Variants in COL7A1 observed in about 807,000 individuals in gnomAD.
The protein encoded by COL7A1 is collagen type VII alpha 1 chain, also known as collagen alpha-1(VII) chain.
In COL7A1, 296 loss-of-function variants were observed where a neutral mutation model predicts 456.2. The observed-to-expected ratio is 0.65, with a 90% CI of 0.59 to 0.71. The LOEUF is 0.71. Ranked by LOEUF, COL7A1 falls within the 30% of genes least tolerant of loss-of-function variation. The pLI is 0.00. For missense variants in COL7A1, 3,441 were observed against 4,017.2 expected, an observed-to-expected ratio of 0.86 and a Z score of 3.88; for synonymous variants, 1,464 against 1,525.9, an observed-to-expected ratio of 0.96 and a Z score of 0.95.
Position 48,576,574 on chromosome 3 carries a change from C to T in COL7A1, c.5701-17G>A. 2 of 1,605,390 alleles carry T rather than the reference C, an allele frequency of 1.2e-6. No homozygotes were observed. The highest frequency in any genetic ancestry group is 1.1e-5 in the South Asian group (1 of 89,870). The stretch of plus-strand genomic sequence containing the variant: ...AGGAAAACCCTGAGATACGGCAGAA[C>T]ACAAAGGGGTCACAAAGGCCCATGG... On this transcript the variant is annotated splice_polypyrimidine_tract_variant and intron_variant, in intron 68 of 118. Transcript: ENST00000681320.
Position 48,571,748 on chromosome 3 carries a change from C to T in COL7A1, c.7068+253G>A, listed in dbSNP as rs1247837245. 1 of 633,146 alleles carries T rather than the reference C, an allele frequency of 1.6e-6. No homozygotes were observed. The highest frequency in any genetic ancestry group is 2.9e-6 in the Non-Finnish European group (1 of 346,580). The allele number at this position is 633,146 out of a possible 1,614,324, so 39.2% of individuals were successfully genotyped here. On this transcript the variant is annotated intron_variant, in intron 92 of 118. Transcript: ENST00000681320. The surrounding 1 kb of genome is among the most constrained non-coding windows in gnomAD (Gnocchi z 4.6). ...TGGGATCTGGGAGATCAGACCAGAGCACACGTGTGCCCAGATGTGGTGAGA... is the reference window on the plus strand; with the variant it reads ...TGGGATCTGGGAGATCAGACCAGAGTACACGTGTGCCCAGATGTGGTGAGA...
chr3:48,592,929 G>C lies in COL7A1; in HGVS notation c.692C>G (p.Ser231Trp), dbSNP rs376924106. ...GVPVTRPPDD[S>W]TSAPRDLVLS... is the part of the protein sequence containing the mutation. ...CACCAGGTCTCGTGGAGCAGAGGTC[G>C]AGTCATCCGCTGGGAATGCGGGATC... The change falls in exon 7 of 119, where the codon TCG becomes TGG. Residue 231 changes from serine to tryptophan, a missense_variant. Physicochemically the swap from Ser to Trp is radical, Grantham distance 177 (BLOSUM62 -3). Transcript: ENST00000681320. The surrounding 1 kb of genome is among the most constrained non-coding windows in gnomAD (Gnocchi z 7.6). 2 of 1,613,778 alleles carry C rather than the reference G, an allele frequency of 1.2e-6. No individual in the cohort carries two copies. Among genetic ancestry groups the C allele is most frequent in the South Asian group, 1.1e-5 (1 of 91,052 alleles).
In COL7A1 at chr3:48,592,868, C is replaced by G. The variant is rs748808396; in HGVS notation, c.753G>C (p.Gln251His). 1.2e-6 allele frequency: 2 copies of G among 1,614,108 alleles called. No individual in the cohort carries two copies. The highest frequency in any genetic ancestry group is 1.6e-4 in the Middle Eastern group (1 of 6,062). ...SEPSSQSLRV[Q>H]WTAASGPVTG... ...TCACAGGGCCACTGGCCGCTGTCCA[C>G]TGTACTCTCAAGGATTGGCTGCTTG... is the stretch of plus-strand genomic sequence containing the variant. The change falls in exon 7 of 119, where the codon CAG becomes CAC. Residue 251 changes from glutamine (Q) to histidine (H), a missense_variant. Coordinates refer to ENST00000681320, the MANE Select transcript of COL7A1 (RefSeq NM_000094.4). The surrounding 1 kb of genome is among the most constrained non-coding windows in gnomAD (Gnocchi z 7.6).
At chr3:48,582,050 C>T (rs181362445) in intron 47 of COL7A1, 107 bp from the exon 48 acceptor site, 1 of 1,516,114 alleles carries the variant, frequency 6.6e-7, no homozygotes, top group Non-Finnish European at 9.2e-7. Context: ...ACAGCTCAGT[C>T]CCCGCCCAGA....
chr3:48,588,750 C>CT lies in COL7A1; in HGVS notation c.2478dup (p.Asp827ArgfsTer39), dbSNP rs1169743853. Reference sequence around the variant, plus strand: ...TCGAGACCCCGGATCTCTGCAGAGTCTGTGTTTCCTGGGAGTATCTGGTGC... The same window carrying CT: ...TCGAGACCCCGGATCTCTGCAGAGTCTTGTGTTTCCTGGGAGTATCTGGTGC... On this transcript the variant is annotated frameshift_variant, in exon 20 of 119. Coordinates refer to ENST00000681320, the MANE Select transcript of COL7A1 (RefSeq NM_000094.4). LOFTEE classifies it high-confidence loss of function. The surrounding 1 kb of genome is among the most constrained non-coding windows in gnomAD (Gnocchi z 4.6). 6.2e-7 allele frequency: 1 copy of CT among 1,613,788 alleles called. No homozygotes were observed. Among genetic ancestry groups the CT allele is most frequent in the Non-Finnish European group, 8.5e-7 (1 of 1,180,052 alleles).
chr3:48,591,487 C>A lies in COL7A1; in HGVS notation c.1613G>T (p.Arg538Leu), dbSNP rs138791004. 1.2e-6 allele frequency: 2 copies of A among 1,613,930 alleles called. No homozygotes were observed. The highest frequency in any genetic ancestry group is 1.7e-6 in the Non-Finnish European group (2 of 1,179,966). ...WSPVPGATQY[R>L]IIVRSTQGVE... ...ACCCTGGGTGCTGCGCACAATGATGCGGTACTGGGTGGCACCAGGGACTGG... is the reference window on the plus strand; with the variant it reads ...ACCCTGGGTGCTGCGCACAATGATGAGGTACTGGGTGGCACCAGGGACTGG... The change falls in exon 13 of 119, where the codon CGC becomes CTC. Residue 538 changes from arginine to leucine, a missense_variant. Arg to Leu is a moderately radical substitution (Grantham distance 102). This residue lies in a region of COL7A1 where 913 missense variants were observed against 1,088.2 expected (regional missense o/e 0.84). Transcript: ENST00000681320. This position sits in a 1 kb window ranked among gnomAD's most constrained non-coding sequence, Gnocchi z 7.0.
Position 48,592,087 on chromosome 3 carries a change from G to A in COL7A1, c.1240+15C>T, listed in dbSNP as rs201623553. 6.2e-7 allele frequency: 1 copy of A among 1,614,176 alleles called. No homozygotes were observed. The highest frequency in any genetic ancestry group is 8.5e-7 in the Non-Finnish European group (1 of 1,180,016). On this transcript the variant is annotated intron_variant, in intron 10 of 118. Transcript: ENST00000681320. The surrounding 1 kb of genome is among the most constrained non-coding windows in gnomAD (Gnocchi z 7.6). Reference sequence around the variant, plus strand: ...CTGCCCGTCCCAGCCTGAAGAAAGTGCCCAGCCTTCTCACCAGTGCGAGCC... The same window carrying A: ...CTGCCCGTCCCAGCCTGAAGAAAGTACCCAGCCTTCTCACCAGTGCGAGCC...
In COL7A1 at chr3:48,569,607, AC is replaced by A; in HGVS notation, c.7598del (p.Gly2533ValfsTer98). The A allele has an allele frequency of 6.2e-7, 1 of 1,613,354 alleles. No individual in the cohort carries two copies. Among genetic ancestry groups the A allele is most frequent in the Non-Finnish European group, 8.5e-7 (1 of 1,179,724 alleles). ...AVILGPPGPR[G>X]AKGDMGERGP... ...GCCCACTCACCATGTCCCCCTTGGC[AC>A]CCCGTGGGCCTGGAGGCCCCAGGAT... On this transcript the variant is annotated frameshift_variant, in exon 102 of 119. Transcript: ENST00000681320. LOFTEE classifies it high-confidence loss of function. The surrounding 1 kb of genome is among the most constrained non-coding windows in gnomAD (Gnocchi z 4.9).
rs1559440104 is a variant in COL7A1, at chr3:48,593,318, A to AC, written c.520+37dup. The AC allele has an allele frequency of 2.5e-6, 4 of 1,612,458 alleles. No individual in the cohort carries two copies. The highest frequency in any genetic ancestry group is 2.5e-6 in the Non-Finnish European group (3 of 1,179,208). On this transcript the variant is annotated intron_variant, in intron 5 of 118. Coordinates refer to ENST00000681320, the MANE Select transcript of COL7A1 (RefSeq NM_000094.4). The surrounding 1 kb of genome is among the most constrained non-coding windows in gnomAD (Gnocchi z 4.4). Reference sequence around the variant, plus strand: ...ACCCACATGCTCTCTGACTGCCCCCACCCCCCAGCTGACCTGTCACTCCTG... The same window carrying AC: ...ACCCACATGCTCTCTGACTGCCCCCACCCCCCCAGCTGACCTGTCACTCCTG...
Position 48,580,764 on chromosome 3 carries a change from C to T in COL7A1, c.4981-112G>A. 3 of 1,561,402 alleles carry T rather than the reference C, an allele frequency of 1.9e-6. No individual in the cohort carries two copies. Among genetic ancestry groups the T allele is most frequent in the Non-Finnish European group, 2.6e-6 (3 of 1,134,506 alleles). ...TACTCCAAAATCCACATCAGAGGTT[C>T]CCATCACCCCATGCCTCCCTGCAGG... On this transcript the variant is annotated intron_variant, in intron 54 of 118. Transcript: ENST00000681320. The surrounding 1 kb of genome is among the most constrained non-coding windows in gnomAD (Gnocchi z 4.5).
Position 48,574,403 on chromosome 3 carries a change from C to A in COL7A1, c.6456+85G>T, listed in dbSNP as rs369707173. On this transcript the variant is annotated intron_variant, in intron 79 of 118. Coordinates refer to ENST00000681320, the MANE Select transcript of COL7A1 (RefSeq NM_000094.4). This position sits in a 1 kb window ranked among gnomAD's most constrained non-coding sequence, Gnocchi z 5.0. The stretch of plus-strand genomic sequence containing the variant: ...GAGTCAGGACCCAGACAGTCCCAGG[C>A]AGTACAGACCCCAGCCCTGCACACA... The A allele has an allele frequency of 8.7e-6, 14 of 1,612,202 alleles. No individual in the cohort carries two copies. The highest frequency in any genetic ancestry group is 1.3e-5 in the African/African-American group (1 of 74,884).
chr3:48,588,530 C>T lies in COL7A1; in HGVS notation c.2587+112G>A, dbSNP rs1306938446. 6.2e-6 allele frequency: 10 copies of T among 1,605,524 alleles called. No individual in the cohort carries two copies. The highest frequency in any genetic ancestry group is 8.5e-6 in the Non-Finnish European group (10 of 1,176,732). On this transcript the variant is annotated intron_variant, in intron 20 of 118. Transcript: ENST00000681320. This position sits in a 1 kb window ranked among gnomAD's most constrained non-coding sequence, Gnocchi z 4.6. ...CCCTCTCCCTCCTCTCAGACCCTGC[C>T]CCCAAAGGCTCACTACCAATCCTGG...
Position 48,567,724 on chromosome 3 carries a change from G to C in COL7A1, c.7969C>G (p.His2657Asp), listed in dbSNP as rs763996830. 5 of 1,614,046 alleles carry C rather than the reference G, an allele frequency of 3.1e-6. No homozygotes were observed. Among genetic ancestry groups the C allele is most frequent in the East Asian group, 2.2e-5 (1 of 44,862 alleles). The stretch of plus-strand genomic sequence containing the variant: ...CCCACACTCACCATCTCTCCTTTGT[G>C]TCCTGCCAGCCCGGGGCGGCCTGGG... The part of the protein sequence containing the change: ...GPPGRPGLAG[H>D]KGEMGEPGVP... The change falls in exon 108 of 119, where the codon CAC becomes GAC. Residue 2657 changes from histidine to aspartate, a missense_variant. Transcript: ENST00000681320. The surrounding 1 kb of genome is among the most constrained non-coding windows in gnomAD (Gnocchi z 4.3).
chr3:48,566,249 G>A lies in COL7A1; in HGVS notation c.8407+18C>T, dbSNP rs757958743. On this transcript the variant is annotated intron_variant, in intron 114 of 118. Transcript: ENST00000681320. The surrounding 1 kb of genome is among the most constrained non-coding windows in gnomAD (Gnocchi z 5.9). ...GTGCTGGGGTGGAGTGGGAGACTGC[G>A]GGCTGGGCACCACTCACCACAGTGC... 10 of 1,593,586 alleles carry A rather than the reference G, an allele frequency of 6.3e-6. No homozygotes were observed. Among genetic ancestry groups the A allele is most frequent in the South Asian group, 1.1e-5 (1 of 87,580 alleles).
intron 65 of COL7A1, 107 bp from the exon 66 acceptor site, chr3:48,577,134 C>A: frequency 2.1e-6 from 3 of 1,461,970 alleles, no homozygotes; most frequent in Non-Finnish European, 1.9e-6. Flanking sequence ...GTGCCTGTAG[C>A]TCCATGGTTG....
chr3:48,587,886 C>G lies in COL7A1; in HGVS notation c.2764G>C (p.Asp922His). The G allele has an allele frequency of 6.2e-7, 1 of 1,611,392 alleles. No homozygotes were observed. Among genetic ancestry groups the G allele is most frequent in the Non-Finnish European group, 8.5e-7 (1 of 1,179,154 alleles). The change falls in exon 22 of 119, where the codon GAC becomes CAC. Residue 922 changes from aspartate (D) to histidine (H), a missense_variant. This residue lies in a region of COL7A1 where 444 missense variants were observed against 427.6 expected (regional missense o/e 1.04). Transcript: ENST00000681320. This position sits in a 1 kb window ranked among gnomAD's most constrained non-coding sequence, Gnocchi z 6.1. Reference protein sequence around the residue: ...LGPELSSYHLDGLEPATQYRV... With the variant: ...LGPELSSYHLHGLEPATQYRV... ...TACTGTGTCGCTGGCTCCAGCCCGT[C>G]CAGGTGATAGCTGCTGAGCTCGGGC... is the stretch of plus-strand genomic sequence containing the variant.
In COL7A1 at chr3:48,586,022, C is replaced by T. The variant is rs1434487270; in HGVS notation, c.3724-47G>A. 5 of 1,613,510 alleles carry T rather than the reference C, an allele frequency of 3.1e-6. No individual in the cohort carries two copies. The highest frequency in any genetic ancestry group is 4.2e-6 in the Non-Finnish European group (5 of 1,180,030). On this transcript the variant is annotated intron_variant, in intron 28 of 118. Coordinates refer to ENST00000681320, the MANE Select transcript of COL7A1 (RefSeq NM_000094.4). The surrounding 1 kb of genome is among the most constrained non-coding windows in gnomAD (Gnocchi z 5.1). ...GAGGTTGAACATTTCTACCAAGAACCCCCAGACCCCTTATATTCTACCACC... is the reference window on the plus strand; with the variant it reads ...GAGGTTGAACATTTCTACCAAGAACTCCCAGACCCCTTATATTCTACCACC...
At position 48,566,264 on chromosome 3, in the gene COL7A1, C is replaced by T. The variant is rs2043600521; in HGVS notation, c.8407+3G>A. 1 of 1,598,596 alleles carries T rather than the reference C, an allele frequency of 6.3e-7. No homozygotes were observed. The highest frequency in any genetic ancestry group is 8.5e-7 in the Non-Finnish European group (1 of 1,173,744). On this transcript the variant is annotated splice_donor_region_variant and intron_variant, in intron 114 of 118. Coordinates refer to ENST00000681320, the MANE Select transcript of COL7A1 (RefSeq NM_000094.4). This position sits in a 1 kb window ranked among gnomAD's most constrained non-coding sequence, Gnocchi z 5.9. ...GGGAGACTGCGGGCTGGGCACCACTCACCACAGTGCTGACTCATCTCTTGG... is the reference window on the plus strand; with the variant it reads ...GGGAGACTGCGGGCTGGGCACCACTTACCACAGTGCTGACTCATCTCTTGG...
Position 48,568,473 on chromosome 3 carries a change from C to G in COL7A1, c.7794+26G>C, listed in dbSNP as rs1449201070. On this transcript the variant is annotated intron_variant, in intron 105 of 118. Transcript: ENST00000681320. The surrounding 1 kb of genome is among the most constrained non-coding windows in gnomAD (Gnocchi z 5.2). ...ACGGGGGCCCTCTGGGGACAGGGGG[C>G]CCCTGTGGGAGCAGGGGCATCTTAC... 6.3e-7 allele frequency: 1 copy of G among 1,590,874 alleles called. No individual in the cohort carries two copies. The highest frequency in any genetic ancestry group is 8.6e-7 in the Non-Finnish European group (1 of 1,164,972).
Sources: gnomAD v4.1 joint callset for allele counts on GRCh38, gnomAD v4.1.1 for gene constraint, gnomAD v4.1.1 regional missense constraint, Gnocchi (gnomAD v3.1) non-coding constraint, MANE v1.5 for transcripts, NCBI Gene and HGNC (gene_info 2026-07-23, HGNC 2026-07-21) for gene names.